MBP: variants seen among roughly 807,000 people sequenced by gnomAD.
MBP encodes the protein Golli-MBP.
A neutral mutation model predicts 35.8 loss-of-function variants in MBP; 16 were observed. The observed-to-expected ratio is 0.45, with a 90% CI of 0.30 to 0.68. The LOEUF is 0.68. Among genes scored for constraint, MBP ranks in the 30% least tolerant of loss-of-function variants. MBP has a pLI of 0.08. For synonymous variants in MBP, 143 were observed against 159.6 expected (o/e 0.90, Z 0.78); for missense variants, 380 against 404.7 (o/e 0.94, Z 0.52).
At position 76,988,236 on chromosome 18, in the gene MBP, C is replaced by G; in HGVS notation, c.750+259G>C. 1 of 1,549,890 alleles carries G rather than the reference C, an allele frequency of 6.5e-7. No individual in the cohort carries two copies. Among genetic ancestry groups the G allele is most frequent in the Non-Finnish European group, 8.7e-7 (1 of 1,146,990 alleles). On this transcript the variant is annotated intron_variant, in intron 7 of 8. Coordinates refer to ENST00000355994, the MANE Select transcript of MBP (RefSeq NM_001025101.2). This position sits in a 1 kb window ranked among gnomAD's most constrained non-coding sequence, Gnocchi z 5.2. The stretch of plus-strand genomic sequence containing the variant: ...AGACCAGTCACGTCGCCTGGGAACC[C>G]TCTGGGAGAAGAGGATCTGGCCTTG...
intron 3 of MBP, among the ~76,000 whole-genome samples, chr18:77,057,912 C>T (rs1367806528): frequency 6.4e-5 from 1 of 15,702 alleles, no homozygotes; most frequent in Admixed American, 6.1e-4. Context: ...CTGCAAGCTC[C>T]GCCTCCCGGG....
chr18:77,091,904 A>G (rs1975544991), intron 2 of MBP, among the ~76,000 whole-genome samples: 2 of 152,190 alleles, frequency 1.3e-5, no homozygotes, highest in Non-Finnish European at 2.9e-5. Flanking sequence ...AAACACAGAG[A>G]TATAATTTTT....
chr18:77,116,123 G>GA (rs1976652045), intron 1 of MBP, among the ~76,000 whole-genome samples: 1 of 147,038 alleles, frequency 6.8e-6, no homozygotes, highest in African/African-American at 2.5e-5. Context: ...GCTCTGAGCT[G>GA]TCTCCTGAGG....
In MBP at chr18:76,997,466, C is replaced by T. The variant is rs967760510; in HGVS notation, c.577-7406G>A. Among the ~76,000 whole-genome samples, 3 of 152,218 alleles carry T rather than the reference C, an allele frequency of 2.0e-5. No homozygotes were observed. The South Asian group carries it at 6.2e-4, about 32-fold the overall frequency. ...TCGGTTCTAGAATTTTACTGAGAAG[C>T]CACCTTGGAAAAGCGGCAAAGCGTG... is the stretch of plus-strand genomic sequence containing the variant. On this transcript the variant is annotated intron_variant, in intron 4 of 8. Coordinates refer to ENST00000355994, the MANE Select transcript of MBP (RefSeq NM_001025101.2).
At position 77,017,257 on chromosome 18, in the gene MBP, C is replaced by T. The variant is rs1971702821; in HGVS notation, c.151G>A (p.Ala51Thr). 1.3e-6 allele frequency: 2 copies of T among 1,509,546 alleles called. No homozygotes were observed. Among genetic ancestry groups the T allele is most frequent in the African/African-American group, 1.4e-5 (1 of 71,580 alleles). 93.5% of individuals were successfully genotyped at this position (1,509,546 alleles called of 1,614,324 possible). A position where few individuals can be genotyped will look rare whatever the true frequency, so the allele number is the denominator to read the frequency against. The change falls in exon 4 of 9, where the codon GCG becomes ACG. Residue 51 changes from alanine (A) to threonine (T), a missense_variant. By Grantham distance (58) the Ala-to-Thr change is moderately conservative. Coordinates refer to ENST00000355994, the MANE Select transcript of MBP (RefSeq NM_001025101.2). ...EDNEVFGEAD[A>T]NQNNGTSSQD... ...GAGGAGGTCCCATTGTTCTGGTTCG[C>T]ATCTGCCTCTCCTGCAAACAACAAT...
At position 76,988,628 on chromosome 18, in the gene MBP, G is replaced by C; in HGVS notation, c.718-101C>G. On this transcript the variant is annotated intron_variant, in intron 6 of 8. Coordinates refer to ENST00000355994, the MANE Select transcript of MBP (RefSeq NM_001025101.2). This position sits in a 1 kb window ranked among gnomAD's most constrained non-coding sequence, Gnocchi z 5.2. ...GTCAAAGCACAGTGGAGCTGAGGTG[G>C]TAAAAACAGGTTCCACCCGGAGCTC... 6.6e-7 allele frequency: 1 copy of C among 1,525,842 alleles called. No homozygotes were observed. The highest frequency in any genetic ancestry group is 8.8e-7 in the Non-Finnish European group (1 of 1,141,542). 94.5% of individuals were successfully genotyped at this position (1,525,842 alleles called of 1,614,324 possible).
chr18:77,041,432 AT>A (rs1448593851), intron 3 of MBP, among the ~76,000 whole-genome samples: 1 of 152,198 alleles, frequency 6.6e-6, no homozygotes, highest in Non-Finnish European at 1.5e-5. Context: ...TACTGGGTAT[AT>A]ACCCAAAGGA....
intron 3 of MBP, among the ~76,000 whole-genome samples, chr18:77,026,487 G>C (rs992909295): frequency 6.6e-6 from 1 of 152,220 alleles, no homozygotes; most frequent in Non-Finnish European, 1.5e-5. Context: ...GTGGACTTCT[G>C]TGGATGAGAT....
At chr18:77,069,050 C>T in intron 2 of MBP, 1 of 473,328 alleles carries the variant, frequency 2.1e-6, no homozygotes, top group Non-Finnish European at 4.2e-6. Flanking sequence ...TTTCCTGTGT[C>T]TCTATTACAG....
intron 4 of MBP, chr18:77,015,518 G>A: frequency 1.0e-6 from 1 of 985,334 alleles, no homozygotes; most frequent in Non-Finnish European, 1.2e-6. Flanking sequence ...GTCTACAAAT[G>A]CACTGAAAGA....
intron 3 of MBP, among the ~76,000 whole-genome samples, chr18:77,027,690 A>T (rs1187321400): frequency 1.3e-5 from 2 of 152,172 alleles, no homozygotes; most frequent in African/African-American, 2.4e-5. Context: ...ACAGAAAAAA[A>T]TTATTTATTT....
chr18:77,080,110 T>A (rs906540952), intron 2 of MBP, among the ~76,000 whole-genome samples: 16 of 152,206 alleles, frequency 1.1e-4, no homozygotes, highest in African/African-American at 3.4e-4. Context: ...TAAAAATAGT[T>A]CTTATAACCT....
At chr18:76,987,920 T>C in intron 7 of MBP, 1 of 1,119,030 alleles carries the variant, frequency 8.9e-7, no homozygotes, top group Non-Finnish European at 1.1e-6. Context: ...CAGCCTAAAA[T>C]TCCTAAGGAA....
chr18:77,081,313 A>T (rs1360111490), intron 2 of MBP, among the ~76,000 whole-genome samples: 2 of 152,228 alleles, frequency 1.3e-5, no homozygotes. Context: ...TCTGACAAAG[A>T]TCATGTATCC....
At chr18:77,068,935 G>T in intron 2 of MBP, 1 of 459,500 alleles carries the variant, frequency 2.2e-6, no homozygotes, top group South Asian at 1.5e-5. Flanking sequence ...CCACCACGGA[G>T]CTGAGCCTTG....
chr18:77,058,519 G>A (rs1288906307), intron 3 of MBP, among the ~76,000 whole-genome samples: 2 of 152,206 alleles, frequency 1.3e-5, no homozygotes, highest in South Asian at 4.1e-4. Flanking sequence ...CGGCTGATGC[G>A]ACGCCCACAG....
chr18:77,086,894 A>T (rs200145902), intron 2 of MBP, among the ~76,000 whole-genome samples: 2 of 152,232 alleles, frequency 1.3e-5, no homozygotes, highest in East Asian at 3.8e-4. Context: ...ACGCTCCTCT[A>T]ATGTTCTCCA....
intron 2 of MBP, among the ~76,000 whole-genome samples, chr18:77,088,036 C>T (rs944201858): frequency 3.2e-4 from 49 of 152,120 alleles, no homozygotes; most frequent in African/African-American, 9.9e-4. Flanking sequence ...CGAGGGAGCC[C>T]GGGCCCTCCA....
chr18:77,058,393 G>A (rs920071748), intron 3 of MBP, among the ~76,000 whole-genome samples: 1 of 152,194 alleles, frequency 6.6e-6, no homozygotes, highest in Admixed American at 6.5e-5. Flanking sequence ...CAGGCTGACA[G>A]CCCGGCCGGA....
Sources: gnomAD v4.1 joint callset for allele counts (sites outside exome capture counted in the v4.1 genomes callset) on GRCh38, gnomAD v4.1.1 for gene constraint, Gnocchi (gnomAD v3.1) non-coding constraint, MANE v1.5 for transcripts, NCBI Gene and HGNC (gene_info 2026-07-23, HGNC 2026-07-21) for gene names.